The following ZNF131 variants were observed in gnomAD, a reference collection of about 807,000 sequenced individuals.
The protein encoded by ZNF131 is zinc finger and BTB domain containing 35.
In ZNF131, 7 loss-of-function variants were observed where a neutral mutation model predicts 60.0. That is an observed-to-expected ratio of 0.12 (90% CI 0.07 to 0.22). The LOEUF is 0.22. Ranked by LOEUF, ZNF131 falls within the 10% of genes least tolerant of loss-of-function variation. The pLI is 1.00. For missense variants in ZNF131, 493 were observed against 740.9 expected (o/e 0.67, Z 3.88); for synonymous variants, 257 against 253.2 (o/e 1.01, Z -0.14).
chr5:43,170,663 CA>C (rs1750867236), intron 5 of ZNF131, among the ~76,000 whole-genome samples: 1 of 147,600 alleles, frequency 6.8e-6, no homozygotes, highest in Non-Finnish European at 1.5e-5. Flanking sequence ...GACGGAGTCT[CA>C]CTCGGTCACC....
At chr5:43,154,431 GTGTCAGAAA>G (rs1032030666) in intron 4 of ZNF131, among the ~76,000 whole-genome samples, 2 of 151,730 alleles carry the variant, frequency 1.3e-5, no homozygotes, top group African/African-American at 4.8e-5. Flanking sequence ...AAAAAAAGAA[GTGTCAGAAA>G]TGTCGGCAAT....
rs200885640 is a variant in ZNF131, at chr5:43,172,629, A to AC, written c.1055-689_1055-688insC. On this transcript the variant is annotated intron_variant, in intron 5 of 6. Transcript: ENST00000682664. The stretch of plus-strand genomic sequence containing the variant: ...AGAGTAAGACTCTCAAAAAAAAAAA[A>AC]AAACCCTAATTTATATATAAATCAC... 1.7e-3 allele frequency among the ~76,000 whole-genome samples: 254 copies of AC among 152,146 alleles called. 3 individuals carry two copies. The East Asian group carries it at 0.044, about 26-fold the overall frequency.
At chr5:43,135,960 T>C (rs1238150660) in intron 3 of ZNF131, among the ~76,000 whole-genome samples, 3 of 151,726 alleles carry the variant, frequency 2.0e-5, no homozygotes, top group African/African-American at 7.3e-5. Flanking sequence ...ACTAAAAATA[T>C]AAAAATTAGG....
intron 4 of ZNF131, among the ~76,000 whole-genome samples, chr5:43,152,666 G>A (rs1274609467): frequency 6.6e-6 from 1 of 152,148 alleles, no homozygotes; most frequent in Non-Finnish European, 1.5e-5. Flanking sequence ...GAGTGCAGTG[G>A]TGCAATCACA....
chr5:43,160,181 A>T (rs1318821778), intron 4 of ZNF131, among the ~76,000 whole-genome samples: 4 of 132,004 alleles, frequency 3.0e-5, no homozygotes, highest in Non-Finnish European at 7.0e-5. Context: ...ATCTCAAAAA[A>T]ACAAAACAAA....
chr5:43,152,233 C>A (rs1748411604), intron 4 of ZNF131, among the ~76,000 whole-genome samples: 1 of 152,130 alleles, frequency 6.6e-6, no homozygotes, highest in Non-Finnish European at 1.5e-5. Context: ...GAACTCCCGA[C>A]CTCAAGTGAT....
intron 3 of ZNF131, chr5:43,124,372 A>G (rs1252318362): frequency 6.6e-6 from 1 of 152,040 alleles, no homozygotes; most frequent in Non-Finnish European, 1.5e-5. Flanking sequence ...TATCTATTTC[A>G]TTGTGTACGT....
intron 3 of ZNF131, among the ~76,000 whole-genome samples, chr5:43,135,515 G>T (rs1745968651): frequency 6.6e-6 from 1 of 151,860 alleles, no homozygotes; most frequent in Admixed American, 6.6e-5. Flanking sequence ...TTGGGAGGCG[G>T]AGGCGGGTGG....
At chr5:43,125,562 C>T (rs1009484950) in intron 3 of ZNF131, among the ~76,000 whole-genome samples, 3 of 151,904 alleles carry the variant, frequency 2.0e-5, no homozygotes, top group African/African-American at 7.2e-5. Context: ...AGGCAGATCA[C>T]CTGAGGTCGA....
At chr5:43,129,655 T>G (rs1745042314) in intron 3 of ZNF131, among the ~76,000 whole-genome samples, 1 of 152,056 alleles carries the variant, frequency 6.6e-6, no homozygotes, top group Non-Finnish European at 1.5e-5. Flanking sequence ...AACTTCTGTG[T>G]TTTTTGTTTG....
chr5:43,122,909 A>T (rs1455495452), intron 2 of ZNF131, among the ~76,000 whole-genome samples: 2 of 152,196 alleles, frequency 1.3e-5, no homozygotes, highest in African/African-American at 4.8e-5. Flanking sequence ...TGAGTTGGAT[A>T]TGCTTCTCAC....
intron 3 of ZNF131, 45 bp downstream of exon 3, chr5:43,123,355 C>G (rs1255286197): frequency 6.7e-7 from 1 of 1,502,334 alleles, no homozygotes; most frequent in Non-Finnish European, 9.1e-7. Context: ...TCAAAGAAGC[C>G]ATTTTATTTA....
At chr5:43,143,246 C>A in intron 4 of ZNF131, 1 of 403,162 alleles carries the variant, frequency 2.5e-6, no homozygotes, top group South Asian at 8.3e-5. Context: ...ATGGTCTCAT[C>A]TCTTTACCTT....
At position 43,138,261 on chromosome 5, in the gene ZNF131, T is replaced by C. The variant is rs79585575; in HGVS notation, c.227-904T>C. On this transcript the variant is annotated intron_variant, in intron 3 of 6. Coordinates refer to ENST00000682664, the MANE Select transcript of ZNF131 (RefSeq NM_001330707.2). Reference sequence around the variant, plus strand: ...TACAATAAATGTTAAAAGGTTTCATTGAACATGTGACATTAGAGTTGGACC... The same window carrying C: ...TACAATAAATGTTAAAAGGTTTCATCGAACATGTGACATTAGAGTTGGACC... Among the ~76,000 whole-genome samples, 1,586 of 152,310 alleles carry C rather than the reference T, an allele frequency of 0.01. 106 individuals are homozygous for C. The East Asian group carries it at 0.19, about 18-fold the overall frequency.
intron 4 of ZNF131, among the ~76,000 whole-genome samples, chr5:43,139,768 G>A (rs956264976): frequency 1.3e-5 from 2 of 152,170 alleles, no homozygotes; most frequent in Admixed American, 6.5e-5. Context: ...CATACCATAA[G>A]TCTATAGTAG....
intron 3 of ZNF131, among the ~76,000 whole-genome samples, chr5:43,134,508 A>G (rs512040): frequency 0.28 from 42,371 of 151,856 alleles, 6,457 homozygotes; most frequent in East Asian, 0.63. Flanking sequence ...CGTTAGAGCA[A>G]TTAGGCAAGA....
chr5:43,175,502 A>T lies in ZNF131; in HGVS notation c.*369A>T. On this transcript the variant is annotated 3_prime_UTR_variant, in exon 7 of 7. Coordinates refer to ENST00000682664, the MANE Select transcript of ZNF131 (RefSeq NM_001330707.2). ...TTTCCATATTGTAAAATCAAACTTAAATCATTAGAATACAAGTTTATGTAT... is the reference window on the plus strand; with the variant it reads ...TTTCCATATTGTAAAATCAAACTTATATCATTAGAATACAAGTTTATGTAT... 1 of 698,568 alleles carries T rather than the reference A, an allele frequency of 1.4e-6. No individual in the cohort carries two copies. The highest frequency in any genetic ancestry group is 2.6e-6 in the Non-Finnish European group (1 of 383,900). The allele number at this position is 698,568 out of a possible 1,614,324, so 43.3% of individuals were successfully genotyped here.
intron 4 of ZNF131, among the ~76,000 whole-genome samples, chr5:43,158,305 T>C (rs1749209991): frequency 6.6e-6 from 1 of 151,922 alleles, no homozygotes; most frequent in South Asian, 2.1e-4. Context: ...GTTTTTGTTT[T>C]TTTGAGACAG....
At chr5:43,160,036 C>T (rs1053040454) in intron 4 of ZNF131, among the ~76,000 whole-genome samples, 1 of 150,692 alleles carries the variant, frequency 6.6e-6, no homozygotes, top group Non-Finnish European at 1.5e-5. Context: ...ATTAGCTGGT[C>T]GTGGTGGCGG....
Sources: gnomAD v4.1 joint callset for allele counts (sites outside exome capture counted in the v4.1 genomes callset) on GRCh38, gnomAD v4.1.1 for gene constraint, MANE v1.5 for transcripts, NCBI Gene and HGNC (gene_info 2026-07-23, HGNC 2026-07-21) for gene names.